DPP10: variants seen among roughly 807,000 people sequenced by gnomAD.
DPP10 encodes the protein dipeptidyl peptidase like 10, also known as inactive dipeptidyl peptidase 10.
In DPP10, 33 loss-of-function variants were observed where a neutral mutation model predicts 120.9. The ratio of observed to expected loss-of-function variants is 0.27; its 90% CI spans 0.21 to 0.37. DPP10 has a LOEUF of 0.37. DPP10 is among the 10% of genes least tolerant of loss of function. The pLI is 1.00. For missense variants in DPP10, 816 were observed against 942.8 expected, an observed-to-expected ratio of 0.87 and a Z score of 1.76; for synonymous variants, 337 against 326.1, an observed-to-expected ratio of 1.03 and a Z score of -0.36.
chr2:114,692,979 G>A (rs577924093), intron 1 of DPP10, among the ~76,000 whole-genome samples: 15 of 152,074 alleles, frequency 9.9e-5, no homozygotes, highest in African/African-American at 1.9e-4. Context: ...GTCTTTGCAC[G>A]TGAGATGGGT....
chr2:114,576,281 C>T (rs1558897406), intron 1 of DPP10, among the ~76,000 whole-genome samples: 1 of 152,116 alleles, frequency 6.6e-6, no homozygotes, highest in Non-Finnish European at 1.5e-5. Context: ...GTGAGAAATC[C>T]AATTTTTCAA....
intron 7 of DPP10, among the ~76,000 whole-genome samples, chr2:115,723,349 T>C (rs1047458363): frequency 1.4e-4 from 22 of 152,206 alleles, no homozygotes; most frequent in African/African-American, 5.3e-4. Flanking sequence ...TTTTCTCTCT[T>C]GCTTTTGTCA....
At chr2:114,878,548 G>T (rs1036283971) in intron 1 of DPP10, among the ~76,000 whole-genome samples, 1 of 151,980 alleles carries the variant, frequency 6.6e-6, no homozygotes, top group Non-Finnish European at 1.5e-5. Flanking sequence ...ACAGTTGCAC[G>T]TTTATGCCTA....
At chr2:115,622,486 T>C (rs1291221429) in intron 5 of DPP10, among the ~76,000 whole-genome samples, 1 of 149,222 alleles carries the variant, frequency 6.7e-6, no homozygotes, top group Non-Finnish European at 1.5e-5. Flanking sequence ...ACGCAAAAGG[T>C]TTTTCAGTGT....
At chr2:115,518,937 G>A (rs1209964198) in intron 4 of DPP10, among the ~76,000 whole-genome samples, 1 of 152,094 alleles carries the variant, frequency 6.6e-6, no homozygotes, top group African/African-American at 2.4e-5. Context: ...ACTTGATATA[G>A]GATGATTATA....
At chr2:114,488,885 G>A (rs1043894425) in intron 1 of DPP10, among the ~76,000 whole-genome samples, 3 of 152,164 alleles carry the variant, frequency 2.0e-5, no homozygotes, top group African/African-American at 7.2e-5. Flanking sequence ...AAGCTTGATA[G>A]AACTATAATA....
chr2:115,266,715 T>G (rs988848575), intron 1 of DPP10, among the ~76,000 whole-genome samples: 2 of 152,196 alleles, frequency 1.3e-5, no homozygotes, highest in Non-Finnish European at 2.9e-5. Flanking sequence ...AATGGCTTCA[T>G]ATTCGAGAAT....
intron 1 of DPP10, among the ~76,000 whole-genome samples, chr2:115,249,570 A>G (rs1009153730): frequency 2.6e-5 from 4 of 152,164 alleles, no homozygotes; most frequent in Non-Finnish European, 4.4e-5. Flanking sequence ...TATCTGAAAT[A>G]ATTTCATTGG....
intron 4 of DPP10, among the ~76,000 whole-genome samples, chr2:115,524,125 C>T (rs1022874124): frequency 6.6e-6 from 1 of 152,090 alleles, no homozygotes; most frequent in South Asian, 2.1e-4. Flanking sequence ...CAATTGAGTG[C>T]TCTACAATTC....
intron 1 of DPP10, among the ~76,000 whole-genome samples, chr2:114,475,335 A>G (rs1357048757): frequency 2.0e-5 from 3 of 152,214 alleles, no homozygotes; most frequent in Admixed American, 6.5e-5. Flanking sequence ...TTTATATATC[A>G]GGCCTCATAT....
chr2:115,591,498 T>C (rs2082659867), intron 5 of DPP10, among the ~76,000 whole-genome samples: 1 of 152,234 alleles, frequency 6.6e-6, no homozygotes, highest in Non-Finnish European at 1.5e-5. Flanking sequence ...GACTCTGTTC[T>C]GTTGCATTGG....
chr2:115,221,654 A>G (rs1469628805), intron 1 of DPP10, among the ~76,000 whole-genome samples: 2 of 151,780 alleles, frequency 1.3e-5, no homozygotes, highest in African/African-American at 4.8e-5. Flanking sequence ...TGGTAGCATT[A>G]TTCAATACAA....
chr2:114,940,523 T>C (rs900916694), intron 1 of DPP10, among the ~76,000 whole-genome samples: 2 of 138,328 alleles, frequency 1.4e-5, no homozygotes, highest in African/African-American at 5.4e-5. Flanking sequence ...AGTTTACATC[T>C]AAATAACAGA....
Position 114,940,334 on chromosome 2 carries a change from T to C in DPP10, c.61-368905T>C, listed in dbSNP as rs182663308. Among the ~76,000 whole-genome samples the C allele has an allele frequency of 2.0e-4, 30 of 152,252 alleles. No homozygotes were observed. The East Asian group carries it at 5.8e-3, about 29-fold the overall frequency. On this transcript the variant is annotated intron_variant, in intron 1 of 25. Coordinates refer to ENST00000410059, the MANE Select transcript of DPP10 (RefSeq NM_020868.6). ...GTCTGACTATCTTGTTATGTTCCGA[T>C]TGCTACAGTAATCAGTTAGAGGCCA...
intron 3 of DPP10, among the ~76,000 whole-genome samples, chr2:115,471,554 G>T (rs939434280): frequency 4.6e-5 from 7 of 150,538 alleles, no homozygotes; most frequent in Admixed American, 6.7e-5. Context: ...TTGTGAAATG[G>T]ACCAGGATTC....
intron 1 of DPP10, among the ~76,000 whole-genome samples, chr2:115,058,808 C>T (rs1404273065): frequency 1.3e-5 from 2 of 151,982 alleles, no homozygotes; most frequent in African/African-American, 4.8e-5. Flanking sequence ...TGAATTATCT[C>T]TATTTCACAA....
At chr2:114,724,951 C>T (rs933541100) in intron 1 of DPP10, among the ~76,000 whole-genome samples, 4 of 152,118 alleles carry the variant, frequency 2.6e-5, no homozygotes, top group Admixed American at 2.6e-4. Flanking sequence ...GAATTCTGCG[C>T]CCATAGATAA....
At chr2:115,498,709 T>C (rs2076531684) in intron 3 of DPP10, among the ~76,000 whole-genome samples, 1 of 17,178 alleles carries the variant, frequency 5.8e-5, no homozygotes, top group South Asian at 4.6e-3. Flanking sequence ...TATAATTATG[T>C]ATAATTATAT....
At chr2:115,383,715 C>A (rs1481165269) in intron 3 of DPP10, among the ~76,000 whole-genome samples, 1 of 151,916 alleles carries the variant, frequency 6.6e-6, no homozygotes, top group Non-Finnish European at 1.5e-5. Flanking sequence ...TAATGTGTTT[C>A]TTATGCATTT....
Sources: allele counts gnomAD v4.1 joint callset (sites outside exome capture counted in the v4.1 genomes callset), GRCh38; gene constraint gnomAD v4.1.1; transcripts MANE v1.5; gene names NCBI Gene and HGNC (gene_info 2026-07-23, HGNC 2026-07-21).